ALKBH8: variants seen among roughly 807,000 people sequenced by gnomAD.
ALKBH8 encodes alkB homolog 8, tRNA methyltransferase, also known as tRNA (carboxymethyluridine(34)-5-O)-methyltransferase ALKBH8.
Under a neutral mutation model 59.8 loss-of-function variants are expected in ALKBH8, and 36 were observed. That is an observed-to-expected ratio of 0.60 (90% CI 0.46 to 0.79). ALKBH8 has a LOEUF of 0.79. Ranked by LOEUF, ALKBH8 falls within the 30% of genes least tolerant of loss-of-function variation. The pLI is 0.00. For missense variants in ALKBH8, 768 were observed against 801.0 expected (o/e 0.96, Z 0.50); for synonymous variants, 276 against 273.6 (o/e 1.01, Z -0.09).
intron 10 of ALKBH8, among the ~76,000 whole-genome samples, chr11:107,521,993 C>A (rs1430628588): frequency 3.3e-5 from 5 of 151,554 alleles, no homozygotes; most frequent in African/African-American, 1.2e-4. Flanking sequence ...GGGATCCAAG[C>A]CAAAAAATGA....
intron 7 of ALKBH8, among the ~76,000 whole-genome samples, chr11:107,547,457 T>C (rs563639919): frequency 1.3e-5 from 2 of 152,322 alleles, no homozygotes; most frequent in Admixed American, 1.3e-4. Context: ...CAGATACACC[T>C]GAAGGAGCCT....
intron 8 of ALKBH8, among the ~76,000 whole-genome samples, chr11:107,526,107 T>C (rs1565324893): frequency 6.6e-6 from 1 of 152,042 alleles, no homozygotes; most frequent in Non-Finnish European, 1.5e-5. Context: ...TTATTCCTCT[T>C]GGGTAACTAC....
chr11:107,546,574 C>T (rs139956690), intron 7 of ALKBH8, among the ~76,000 whole-genome samples: 1 of 152,260 alleles, frequency 6.6e-6, no homozygotes, highest in Admixed American at 6.5e-5. Flanking sequence ...GATGAAATTA[C>T]CGACCTGAGC....
intron 10 of ALKBH8, among the ~76,000 whole-genome samples, chr11:107,521,511 G>A (rs949967905): frequency 1.1e-4 from 16 of 151,968 alleles, no homozygotes; most frequent in South Asian, 2.1e-4. Context: ...AGCTGCTCTC[G>A]TTCTTTTTAC....
chr11:107,512,389 C>T (rs1010925099), intron 10 of ALKBH8, among the ~76,000 whole-genome samples: 5 of 152,086 alleles, frequency 3.3e-5, no homozygotes, highest in African/African-American at 1.2e-4. Context: ...TCCCAGCCCA[C>T]GGCAGCCTCC....
intron 6 of ALKBH8, among the ~76,000 whole-genome samples, chr11:107,550,209 G>C (rs1403464676): frequency 6.6e-6 from 1 of 152,148 alleles, no homozygotes; most frequent in East Asian, 1.9e-4. Flanking sequence ...TAAAGACTAG[G>C]CGTATCAATA....
intron 10 of ALKBH8, among the ~76,000 whole-genome samples, chr11:107,512,327 G>A (rs1171224437): frequency 8.6e-6 from 1 of 116,026 alleles, no homozygotes; most frequent in Non-Finnish European, 1.8e-5. Flanking sequence ...GTTTGTTTTG[G>A]TTTTGAGACA....
At chr11:107,560,685 C>T in intron 2 of ALKBH8, 80 bp downstream of exon 2, 1 of 1,337,522 alleles carries the variant, frequency 7.5e-7, no homozygotes, top group Non-Finnish European at 1.0e-6. Flanking sequence ...CAGCCTTAGG[C>T]AATTATTAGC....
intron 3 of ALKBH8, among the ~76,000 whole-genome samples, chr11:107,555,915 T>C (rs960313584): frequency 2.7e-4 from 41 of 152,360 alleles, no homozygotes; most frequent in African/African-American, 8.2e-4. Context: ...CCAGTGGCTA[T>C]TGAACTGGGC....
intron 10 of ALKBH8, among the ~76,000 whole-genome samples, chr11:107,515,699 T>A (rs1336224122): frequency 2.0e-5 from 3 of 152,094 alleles, no homozygotes; most frequent in Non-Finnish European, 4.4e-5. Flanking sequence ...AAATATTAAA[T>A]ATGTAATTGT....
chr11:107,557,001 G>T lies in ALKBH8; in HGVS notation c.132C>A (p.Ser44Arg). 6.4e-7 allele frequency: 1 copy of T among 1,552,992 alleles called. No individual in the cohort carries two copies. The highest frequency in any genetic ancestry group is 8.7e-7 in the Non-Finnish European group (1 of 1,151,230). Residue 44 changes from serine (S) to arginine (R), a missense_variant and splice_region_variant, in exon 3 of 12, where the codon AGC (serine) becomes AGA (arginine). Coordinates refer to ENST00000428149, the MANE Select transcript of ALKBH8 (RefSeq NM_138775.3). ...GIETVSYATQ[S>R]LVVANGGLGN... Reference sequence around the variant, plus strand: ...CCAAACCACCATTGGCAACAACCAGGCTCTTAAAAAACAAACAAACAAACA... The same window carrying T: ...CCAAACCACCATTGGCAACAACCAGTCTCTTAAAAAACAAACAAACAAACA...
intron 7 of ALKBH8, among the ~76,000 whole-genome samples, chr11:107,549,450 CT>C (rs1864404293): frequency 6.6e-6 from 1 of 152,142 alleles, no homozygotes; most frequent in Non-Finnish European, 1.5e-5. Flanking sequence ...GATGGCAATG[CT>C]GCACCAGTAG....
intron 8 of ALKBH8, among the ~76,000 whole-genome samples, chr11:107,528,396 G>A (rs540912371): frequency 5.9e-5 from 9 of 152,108 alleles, no homozygotes; most frequent in East Asian, 1.9e-4. Flanking sequence ...TGTGCACAAC[G>A]TGCAGGTGGC....
chr11:107,544,098 T>C (rs1864155448), intron 7 of ALKBH8, among the ~76,000 whole-genome samples: 1 of 152,252 alleles, frequency 6.6e-6, no homozygotes, highest in South Asian at 2.1e-4. Flanking sequence ...TGTAGTTTTC[T>C]GAACTCTATT....
Position 107,510,879 on chromosome 11 carries a change from A to G in ALKBH8, c.1437+8T>C. 1 of 1,550,686 alleles carries G rather than the reference A, an allele frequency of 6.4e-7. No homozygotes were observed. Among genetic ancestry groups the G allele is most frequent in the African/African-American group, 1.4e-5 (1 of 73,140 alleles). On this transcript the variant is annotated splice_region_variant and intron_variant, in intron 11 of 11. Transcript: ENST00000428149. Reference sequence around the variant, plus strand: ...CAAGTTCTTAAGAGAAAGAAAGACCATACTTACTGCTGTTGCAAAATGATG... The same window carrying G: ...CAAGTTCTTAAGAGAAAGAAAGACCGTACTTACTGCTGTTGCAAAATGATG...
intron 8 of ALKBH8, 118 bp downstream of exon 8, chr11:107,532,182 G>C: frequency 1.4e-6 from 1 of 703,318 alleles, no homozygotes; most frequent in Middle Eastern, 3.2e-4. Context: ...GATGCCCCTA[G>C]GAGTTCTGAA....
intron 1 of ALKBH8, among the ~76,000 whole-genome samples, chr11:107,562,337 A>G (rs2135598240): frequency 6.6e-6 from 1 of 152,110 alleles, no homozygotes; most frequent in Non-Finnish European, 1.5e-5. Context: ...AAAGTTGGGA[A>G]GGCCTCAAAA....
intron 1 of ALKBH8, chr11:107,562,705 G>A (rs1314136358): frequency 6.6e-6 from 1 of 152,182 alleles, no homozygotes; most frequent in Non-Finnish European, 1.5e-5. Context: ...ATACTAGGAT[G>A]TAAGGCCAGT....
intron 3 of ALKBH8, among the ~76,000 whole-genome samples, chr11:107,555,243 G>A (rs569669387): frequency 6.6e-6 from 1 of 152,238 alleles, no homozygotes; most frequent in Admixed American, 6.5e-5. Context: ...CTAGGTGAAA[G>A]AGCAGGACTC....
Sources: allele counts gnomAD v4.1 joint callset (sites outside exome capture counted in the v4.1 genomes callset), GRCh38; gene constraint gnomAD v4.1.1; transcripts MANE v1.5; gene names NCBI Gene and HGNC (gene_info 2026-07-23, HGNC 2026-07-21).